The following LAMA1 variants were observed in gnomAD, a reference collection of about 807,000 sequenced individuals.
The protein encoded by LAMA1 is laminin subunit alpha 1.
Under a neutral mutation model 348.7 loss-of-function variants are expected in LAMA1, and 219 were observed. That is an observed-to-expected ratio of 0.63 (90% CI 0.56 to 0.70). The LOEUF is 0.70. Among genes scored for constraint, LAMA1 ranks in the 30% least tolerant of loss-of-function variants. The probability of loss-of-function intolerance (pLI) is 0.00; values close to 1 mark genes in which losing one functional copy is unlikely to be tolerated. For synonymous variants in LAMA1, 1,487 were observed against 1,491.0 expected (o/e 1.00, Z 0.06); for missense variants, 3,744 against 3,888.0 (o/e 0.96, Z 0.99).
chr18:6,986,554 C>CTT (rs71165711), intron 36 of LAMA1, among the ~76,000 whole-genome samples: 21,144 of 146,190 alleles, frequency 0.14, 1,570 homozygotes, highest in African/African-American at 0.16. Context: ...AACAAATTGT[C>CTT]TTTTTTTTTT....
intron 28 of LAMA1, among the ~76,000 whole-genome samples, chr18:7,007,641 C>CA (rs749585581): frequency 1.3e-5 from 2 of 152,172 alleles, no homozygotes; most frequent in East Asian, 3.9e-4. Flanking sequence ...GGTACACAAC[C>CA]AAAAGAACTG....
At chr18:6,950,603 T>C (rs1024595811) in intron 58 of LAMA1, among the ~76,000 whole-genome samples, 179 bp downstream of exon 58, 1 of 152,168 alleles carries the variant, frequency 6.6e-6, no homozygotes, top group Non-Finnish European at 1.5e-5. Flanking sequence ...GCCCTGGGGA[T>C]ATTTCGGAAG....
chr18:7,072,170 T>C (rs976866765), intron 3 of LAMA1, among the ~76,000 whole-genome samples: 7 of 152,360 alleles, frequency 4.6e-5, no homozygotes, highest in Non-Finnish European at 8.8e-5. Flanking sequence ...AAAATCTGCA[T>C]AACTGCACTC....
chr18:7,040,444 TAA>T (rs1256379698), intron 9 of LAMA1, among the ~76,000 whole-genome samples: 2 of 152,192 alleles, frequency 1.3e-5, no homozygotes, highest in Non-Finnish European at 2.9e-5. Flanking sequence ...TCCATTCCAA[TAA>T]AACTTTATTC....
intron 36 of LAMA1, 77 bp from the exon 37 acceptor site, chr18:6,986,424 T>G (rs1027023458): frequency 6.7e-5 from 88 of 1,316,374 alleles, no homozygotes; most frequent in South Asian, 4.3e-4. Context: ...GTGGAAAAAA[T>G]TTTTACGTAT....
chr18:7,051,501 C>G (rs1309905985), intron 3 of LAMA1, among the ~76,000 whole-genome samples: 2 of 152,172 alleles, frequency 1.3e-5, no homozygotes, highest in East Asian at 3.9e-4. Context: ...TGAATAATCT[C>G]CTAGTAGCAT....
intron 61 of LAMA1, among the ~76,000 whole-genome samples, chr18:6,944,801 A>T (rs9303991): frequency 6.6e-6 from 1 of 152,032 alleles, no homozygotes; most frequent in South Asian, 2.1e-4. Flanking sequence ...CACCCCAAGC[A>T]GACTAAGACA....
At chr18:7,102,636 C>T (rs529157977) in intron 1 of LAMA1, among the ~76,000 whole-genome samples, 2 of 152,152 alleles carry the variant, frequency 1.3e-5, no homozygotes, top group Middle Eastern at 3.2e-3. Flanking sequence ...CTTTCAGAAA[C>T]AGAAACCGCT....
At chr18:7,086,202 CAAG>C (rs2058216475) in intron 1 of LAMA1, among the ~76,000 whole-genome samples, 2 of 152,102 alleles carry the variant, frequency 1.3e-5, no homozygotes, top group Non-Finnish European at 2.9e-5. Flanking sequence ...TTCTCACAAC[CAAG>C]AAGGAAAGAG....
intron 59 of LAMA1, among the ~76,000 whole-genome samples, chr18:6,948,826 C>G (rs151297320): frequency 6.6e-6 from 1 of 152,060 alleles, no homozygotes; most frequent in Non-Finnish European, 1.5e-5. Context: ...TACTAATGTG[C>G]GAATATGCAT....
chr18:6,996,778 CA>C (rs982295981), intron 33 of LAMA1, among the ~76,000 whole-genome samples: 7 of 151,336 alleles, frequency 4.6e-5, no homozygotes, highest in Non-Finnish European at 8.8e-5. Flanking sequence ...GACCCTGTCT[CA>C]AAAAAATAAT....
chr18:6,947,283 G>T lies in LAMA1; in HGVS notation c.8724C>A (p.Tyr2908Ter). 1 of 1,613,812 alleles carries T rather than the reference G, an allele frequency of 6.2e-7. No individual in the cohort carries two copies. Reference sequence around the variant, plus strand: ...TGATGTTCACATCTGACTGGACTTTGTAGCCCTCTTTGACTGTAACACACA... The same window carrying T: ...TGATGTTCACATCTGACTGGACTTTTTAGCCCTCTTTGACTGTAACACACA... ...SGYAALVKEGYKVQSDVNITL... is the reference protein window; with the variant it reads ...SGYAALVKEG The change falls in exon 61 of 63, where the codon TAC becomes TAA. Residue 2908 changes from tyrosine to a stop codon, truncating the protein, a stop_gained. Coordinates refer to ENST00000389658, the MANE Select transcript of LAMA1 (RefSeq NM_005559.4). LOFTEE classifies it high-confidence loss of function.
intron 49 of LAMA1, 51 bp from the exon 50 acceptor site, chr18:6,965,483 C>T: frequency 1.9e-6 from 3 of 1,604,276 alleles, no homozygotes; most frequent in Non-Finnish European, 1.7e-6. Context: ...TCCCAGGTTT[C>T]CCTTTCCCTT....
In LAMA1 at chr18:6,993,067, C is replaced by T. The variant is rs189114265; in HGVS notation, c.5009-347G>A. The stretch of plus-strand genomic sequence containing the variant: ...AAATATTTACTGCATAAATAAACCA[C>T]CAATGCTTGATCCTACTTTTTTTAT... On this transcript the variant is annotated intron_variant, in intron 35 of 62. Coordinates refer to ENST00000389658, the MANE Select transcript of LAMA1 (RefSeq NM_005559.4). Among the ~76,000 whole-genome samples, 404 of 152,286 alleles carry T rather than the reference C, an allele frequency of 2.7e-3. 1 individual carries two copies. The highest frequency in any genetic ancestry group is 9.3e-3 in the African/African-American group (387 of 41,566).
intron 1 of LAMA1, among the ~76,000 whole-genome samples, chr18:7,109,435 G>A (rs757726771): frequency 6.6e-6 from 1 of 152,204 alleles, no homozygotes; most frequent in Non-Finnish European, 1.5e-5. Context: ...AAAGAGGACC[G>A]GATGGCAACT....
intron 1 of LAMA1, among the ~76,000 whole-genome samples, chr18:7,089,276 G>GA (rs2058230115): frequency 6.6e-6 from 1 of 152,160 alleles, no homozygotes; most frequent in Non-Finnish European, 1.5e-5. Context: ...CTAATCGGGA[G>GA]ATTGAGGCAG....
intron 23 of LAMA1, 36 bp downstream of exon 23, chr18:7,013,779 G>C (rs1272017132): frequency 1.3e-6 from 2 of 1,599,200 alleles, no homozygotes; most frequent in African/African-American, 1.3e-5. Flanking sequence ...TGAGGAGCCA[G>C]AGACAGGATG....
chr18:7,106,689 AC>A (rs998501969), intron 1 of LAMA1, among the ~76,000 whole-genome samples: 10 of 151,510 alleles, frequency 6.6e-5, no homozygotes, highest in Admixed American at 1.3e-4. Context: ...AAATGATATG[AC>A]CCCCACCCCA....
intron 1 of LAMA1, among the ~76,000 whole-genome samples, chr18:7,099,396 C>T (rs2058281820): frequency 6.6e-6 from 1 of 151,526 alleles, no homozygotes; most frequent in Non-Finnish European, 1.5e-5. Flanking sequence ...ATATGCTGAC[C>T]TTCCCTCCAC....
Sources: gnomAD v4.1 joint callset for allele counts (sites outside exome capture counted in the v4.1 genomes callset) on GRCh38, gnomAD v4.1.1 for gene constraint, MANE v1.5 for transcripts, NCBI Gene and HGNC (gene_info 2026-07-23, HGNC 2026-07-21) for gene names.